The following GSE1 variants were observed in gnomAD, a reference collection of about 807,000 sequenced individuals.
GSE1 encodes genetic suppressor element 1.
GSE1 carries 32 observed loss-of-function variants against 112.6 expected under a neutral mutation model. The observed-to-expected ratio is 0.28, with a 90% CI of 0.21 to 0.38. The LOEUF (loss-of-function observed/expected upper bound fraction) is 0.38. GSE1 is among the 10% of genes least tolerant of loss of function. The probability of loss-of-function intolerance (pLI) is 1.00; values close to 1 mark genes in which losing one functional copy is unlikely to be tolerated. For missense variants in GSE1, 2,348 were observed against 1,699.2 expected (o/e 1.38, Z -6.71); for synonymous variants, 1,115 against 735.6 (o/e 1.52, Z -8.35).
chr16:85,400,754 C>T (rs543379922), intron 2 of GSE1, among the ~76,000 whole-genome samples: 10 of 141,464 alleles, frequency 7.1e-5, no homozygotes, highest in East Asian at 2.1e-4. Context: ...TGGTTGTGCA[C>T]GTGTGTCTCT....
chr16:85,431,296 G>A (rs867205962), intron 2 of GSE1, among the ~76,000 whole-genome samples: 1 of 152,226 alleles, frequency 6.6e-6, no homozygotes, highest in Non-Finnish European at 1.5e-5. Context: ...CTGTCCATAC[G>A]GGAGCTCGCT....
At chr16:85,669,019 C>G (rs746957) in intron 14 of GSE1, among the ~76,000 whole-genome samples, 4 of 152,240 alleles carry the variant, frequency 2.6e-5, no homozygotes, top group Non-Finnish European at 5.9e-5. Context: ...TCCTGGGAAG[C>G]CACAGCACCA....
chr16:85,400,256 TGTG>T (rs2048068311), intron 2 of GSE1, among the ~76,000 whole-genome samples: 2 of 56,978 alleles, frequency 3.5e-5, no homozygotes, highest in African/African-American at 5.4e-5. Context: ...GGGTTGTGTG[TGTG>T]TGTGTGTGTG....
intron 2 of GSE1, among the ~76,000 whole-genome samples, chr16:85,435,038 G>T (rs1193954652): frequency 6.6e-6 from 1 of 152,220 alleles, no homozygotes; most frequent in Admixed American, 6.5e-5. Flanking sequence ...TATTGCCCTG[G>T]TGTTGCCATC....
chr16:85,467,788 G>A (rs1597844516), intron 2 of GSE1, among the ~76,000 whole-genome samples: 1 of 152,210 alleles, frequency 6.6e-6, no homozygotes, highest in African/African-American at 2.4e-5. Flanking sequence ...GAGTGTCAAA[G>A]AATTTGTGGA....
intron 2 of GSE1, among the ~76,000 whole-genome samples, chr16:85,635,139 T>C (rs116070125): frequency 0.016 from 2,431 of 152,246 alleles, 59 homozygotes; most frequent in African/African-American, 0.047. Flanking sequence ...CAGGGCGGGC[T>C]GGGGGGACTT....
chr16:85,272,070 A>C (rs778377873), intron 1 of GSE1, among the ~76,000 whole-genome samples: 1 of 152,216 alleles, frequency 6.6e-6, no homozygotes, highest in African/African-American at 2.4e-5. Context: ...GCCTGAGGGC[A>C]GATGGCCCCA....
intron 2 of GSE1, among the ~76,000 whole-genome samples, chr16:85,634,706 G>T (rs927954946): frequency 2.6e-5 from 4 of 152,218 alleles, no homozygotes; most frequent in African/African-American, 9.7e-5. Context: ...CACCTGGGCA[G>T]GACCTGCTGT....
At chr16:85,597,644 A>AT (rs1056340762) in intron 1 of GSE1, among the ~76,000 whole-genome samples, 5 of 151,110 alleles carry the variant, frequency 3.3e-5, no homozygotes, top group African/African-American at 7.3e-5. Flanking sequence ...AGATTTTTGT[A>AT]TTTTTTTGTA....
At chr16:85,453,335 G>A (rs924395214) in intron 2 of GSE1, among the ~76,000 whole-genome samples, 1 of 152,178 alleles carries the variant, frequency 6.6e-6, no homozygotes, top group Non-Finnish European at 1.5e-5. Context: ...ATTGCTCGGT[G>A]CATGGACGCA....
At chr16:85,623,902 G>C (rs1036508076) in intron 1 of GSE1, among the ~76,000 whole-genome samples, 7 of 152,124 alleles carry the variant, frequency 4.6e-5, no homozygotes, top group African/African-American at 1.7e-4. Flanking sequence ...CCTGGTCCCT[G>C]TTCTTGGCTG....
chr16:85,436,338 G>A (rs1342860258), intron 2 of GSE1, among the ~76,000 whole-genome samples: 2 of 152,188 alleles, frequency 1.3e-5, no homozygotes, highest in Non-Finnish European at 2.9e-5. Context: ...TCAAGACACT[G>A]TCTCCGGCCA....
At chr16:85,527,465 G>A (rs1305769828) in intron 2 of GSE1, among the ~76,000 whole-genome samples, 2 of 152,278 alleles carry the variant, frequency 1.3e-5, no homozygotes, top group Non-Finnish European at 2.9e-5. Flanking sequence ...CACATGCCCA[G>A]AGCTGGGGCC....
chr16:85,665,852 G>A (rs968592842), intron 12 of GSE1, 124 bp from the exon 13 acceptor site: 11 of 872,762 alleles, frequency 1.3e-5, no homozygotes, highest in African/African-American at 6.7e-5. Context: ...AATGTTCCCC[G>A]GGTCTTGGTT....
At chr16:85,434,624 C>T (rs1019462913) in intron 2 of GSE1, among the ~76,000 whole-genome samples, 2 of 152,120 alleles carry the variant, frequency 1.3e-5, no homozygotes, top group Non-Finnish European at 2.9e-5. Flanking sequence ...TCAAGACCAG[C>T]CTGGCCAACA....
rs553246914 is a variant in GSE1, at chr16:85,628,645, G to A, written c.8-5269G>A. ...CTGCCCTGTGGCTGGACAGCCCCAC[G>A]CTTTTGTTGGCGGTGCTGACTTCGT... is the stretch of plus-strand genomic sequence containing the variant. On this transcript the variant is annotated intron_variant, in intron 1 of 15. Coordinates refer to ENST00000253458, the MANE Select transcript of GSE1 (RefSeq NM_014615.5). Among the ~76,000 whole-genome samples the A allele has an allele frequency of 7.9e-5, 12 of 152,288 alleles. No individual in the cohort carries two copies. The South Asian group carries it at 2.1e-3, about 26-fold the overall frequency.
intron 2 of GSE1, among the ~76,000 whole-genome samples, chr16:85,417,659 C>A (rs1246313830): frequency 6.6e-6 from 1 of 152,210 alleles, no homozygotes; most frequent in Non-Finnish European, 1.5e-5. Context: ...AAGGCTGGGG[C>A]CCAAGGCCAG....
At chr16:85,547,795 C>T (rs2044751583) in intron 2 of GSE1, among the ~76,000 whole-genome samples, 1 of 149,286 alleles carries the variant, frequency 6.7e-6, no homozygotes, top group Non-Finnish European at 1.5e-5. Context: ...ACAAGATTCA[C>T]TTGAACCCTG....
intron 1 of GSE1, among the ~76,000 whole-genome samples, chr16:85,603,554 G>A (rs2047560018): frequency 1.3e-5 from 2 of 152,296 alleles, no homozygotes; most frequent in Admixed American, 6.5e-5. Flanking sequence ...AGGCTGTGGT[G>A]CAGTGGTGCG....
Sources: gnomAD v4.1 joint callset for allele counts (sites outside exome capture counted in the v4.1 genomes callset) on GRCh38, gnomAD v4.1.1 for gene constraint, MANE v1.5 for transcripts, NCBI Gene and HGNC (gene_info 2026-07-23, HGNC 2026-07-21) for gene names.